Variants in ZNF487 observed in about 807,000 individuals in gnomAD.
ZNF487 encodes zinc finger protein 487.
Under a neutral mutation model 3.0 loss-of-function variants are expected in ZNF487, and 4 were observed. The ratio of observed to expected loss-of-function variants is 1.35; its 90% CI spans 0.66 to 3.08. ZNF487 has a LOEUF of 3.08. Among genes scored for constraint, ZNF487 ranks in the 30% most tolerant of loss-of-function variants. The pLI, the probability that ZNF487 is intolerant of heterozygous loss-of-function variation, is 0.01. For missense variants in ZNF487, 146 were observed against 98.7 expected (o/e 1.48, Z -2.03); for synonymous variants, 55 against 34.6 (o/e 1.59, Z -2.06).
the ZNF487 span, among the ~76,000 whole-genome samples, chr10:43,494,936 C>A: frequency 1.4e-3 from 190 of 132,336 alleles, no homozygotes; most frequent in African/African-American, 1.5e-3. Flanking sequence ...GACTCCATCT[C>A]AAAAAAAAAA....
rs1472743638 is a variant in ZNF487, at chr10:43,482,771, C to A, written c.*849C>A. 21 of 478,988 alleles carry A rather than the reference C, an allele frequency of 4.4e-5. No individual in the cohort carries two copies. The highest frequency in any genetic ancestry group is 3.2e-4 in the South Asian group (20 of 62,886). 29.7% of individuals were successfully genotyped at this position (478,988 alleles called of 1,614,324 possible). ...TTGAATGCAATGAATGTCAAAAATCCTTCTCTGTGAAGTCAAAACTTAGAG... is the reference window on the plus strand; with the variant it reads ...TTGAATGCAATGAATGTCAAAAATCATTCTCTGTGAAGTCAAAACTTAGAG... On this transcript the variant is annotated 3_prime_UTR_variant, in exon 4 of 4. Coordinates refer to ENST00000437590, the MANE Select transcript of ZNF487 (RefSeq NM_001355444.3).
At chr10:43,470,182 A>C (rs944857674) in intron 1 of ZNF487, among the ~76,000 whole-genome samples, 2 of 152,008 alleles carry the variant, frequency 1.3e-5, no homozygotes, top group Non-Finnish European at 2.9e-5. Flanking sequence ...CTTGGCTTAC[A>C]GGACACCACA....
intron 1 of ZNF487, chr10:43,454,002 T>C (rs1667613933): frequency 6.6e-6 from 1 of 152,212 alleles, no homozygotes; most frequent in Admixed American, 6.5e-5. Flanking sequence ...ATAATGCAAT[T>C]CTTTTAATAT....
intron 1 of ZNF487, among the ~76,000 whole-genome samples, chr10:43,455,827 G>C (rs963533956): frequency 1.3e-5 from 2 of 152,258 alleles, no homozygotes; most frequent in Non-Finnish European, 2.9e-5. Context: ...GGCGTTTGCT[G>C]CTCTTGTGCG....
the ZNF487 span, among the ~76,000 whole-genome samples, chr10:43,493,709 A>AAT: frequency 5.9e-4 from 26 of 43,698 alleles, no homozygotes; most frequent in African/African-American, 1.6e-3. Context: ...AAAAAAAAAA[A>AAT]ATATATATAT....
downstream of ZNF487, among the ~76,000 whole-genome samples, chr10:43,487,929 CAAAA>C (rs76705594): frequency 9.9e-5 from 4 of 40,446 alleles, no homozygotes; most frequent in Admixed American, 4.1e-4. Flanking sequence ...TACCAAAATA[CAAAA>C]AAAAAAAAAA....
chr10:43,482,121 A>G lies in ZNF487; in HGVS notation c.*199A>G, dbSNP rs1382697162. ...CGAGTGAGAATAGTTTTGGCAAGAAATCACTCCTCATTCTACAAAGTTACA... is the reference window on the plus strand; with the variant it reads ...CGAGTGAGAATAGTTTTGGCAAGAAGTCACTCCTCATTCTACAAAGTTACA... On this transcript the variant is annotated 3_prime_UTR_variant, in exon 4 of 4. Transcript: ENST00000437590. 1 of 566,986 alleles carries G rather than the reference A, an allele frequency of 1.8e-6. No homozygotes were observed. The highest frequency in any genetic ancestry group is 3.3e-5 in the Admixed American group (1 of 30,492). The allele number at this position is 566,986 out of a possible 1,614,324, so 35.1% of individuals were successfully genotyped here. A position where few individuals can be genotyped will look rare whatever the true frequency, so the allele number is the denominator to read the frequency against.
the ZNF487 span, among the ~76,000 whole-genome samples, chr10:43,496,642 T>A: frequency 6.6e-6 from 1 of 152,204 alleles, no homozygotes; most frequent in Non-Finnish European, 1.5e-5. Flanking sequence ...CATTTATTTA[T>A]TTATTTTTTG....
intron 3 of ZNF487, among the ~76,000 whole-genome samples, chr10:43,480,484 C>T (rs540447464): frequency 7.3e-5 from 11 of 151,522 alleles, no homozygotes; most frequent in African/African-American, 2.2e-4. Flanking sequence ...GGCATGATCT[C>T]GGCTCACTGC....
At chr10:43,520,188 AG>A in the ZNF487 span, among the ~76,000 whole-genome samples, 1 of 45,436 alleles carries the variant, frequency 2.2e-5, no homozygotes, top group Non-Finnish European at 5.3e-5. Flanking sequence ...GTTCTTGACT[AG>A]TTTTTTTTTT....
chr10:43,497,103 T>A, the ZNF487 span, among the ~76,000 whole-genome samples: 1 of 152,252 alleles, frequency 6.6e-6, no homozygotes, highest in African/African-American at 2.4e-5. Context: ...TCATTTTAGA[T>A]CTTTTTCTTA....
intron 1 of ZNF487, among the ~76,000 whole-genome samples, chr10:43,438,048 A>G (rs1839449138): frequency 6.6e-6 from 1 of 151,946 alleles, no homozygotes; most frequent in South Asian, 2.1e-4. Flanking sequence ...CTGTGTGTGT[A>G]ATAGCCATTT....
chr10:43,520,034 A>G, the ZNF487 span, among the ~76,000 whole-genome samples: 1 of 152,196 alleles, frequency 6.6e-6, no homozygotes, highest in Non-Finnish European at 1.5e-5. Context: ...TTCTTGTTAC[A>G]TACATTTTAG....
chr10:43,482,115 C>T lies in ZNF487; in HGVS notation c.*193C>T. The T allele has an allele frequency of 1.8e-6, 1 of 564,736 alleles. No homozygotes were observed. 35.0% of individuals were successfully genotyped at this position (564,736 alleles called of 1,614,324 possible). A position where few individuals can be genotyped will look rare whatever the true frequency, so the allele number is the denominator to read the frequency against. On this transcript the variant is annotated 3_prime_UTR_variant, in exon 4 of 4. Coordinates refer to ENST00000437590, the MANE Select transcript of ZNF487 (RefSeq NM_001355444.3). Reference sequence around the variant, plus strand: ...GTAATGCGAGTGAGAATAGTTTTGGCAAGAAATCACTCCTCATTCTACAAA... The same window carrying T: ...GTAATGCGAGTGAGAATAGTTTTGGTAAGAAATCACTCCTCATTCTACAAA...
At chr10:43,479,965 TCTTTC>T in intron 3 of ZNF487, among the ~76,000 whole-genome samples, 1 of 44,074 alleles carries the variant, frequency 2.3e-5, no homozygotes, top group East Asian at 1.1e-3. Context: ...TCTCTTTCTT[TCTTTC>T]TTTTCTTTCT....
chr10:43,474,580 A>G (rs1239792540), intron 1 of ZNF487, among the ~76,000 whole-genome samples: 2 of 151,610 alleles, frequency 1.3e-5, no homozygotes, highest in African/African-American at 4.8e-5. Context: ...AAAAGGAAAA[A>G]TGATTTATTA....
intron 1 of ZNF487, among the ~76,000 whole-genome samples, chr10:43,439,708 A>G (rs1479699206): frequency 6.6e-6 from 1 of 152,032 alleles, no homozygotes; most frequent in East Asian, 1.9e-4. Context: ...CATCTCAAAA[A>G]TAAATAAATA....
At chr10:43,469,484 C>T (rs558288830) in intron 1 of ZNF487, among the ~76,000 whole-genome samples, 123 of 152,068 alleles carry the variant, frequency 8.1e-4, no homozygotes, top group African/African-American at 2.7e-3. Context: ...TGAGCCACCG[C>T]GCCTGGCCAT....
At chr10:43,469,485 G>A (rs1331474990) in intron 1 of ZNF487, among the ~76,000 whole-genome samples, 2 of 151,834 alleles carry the variant, frequency 1.3e-5, no homozygotes, top group Non-Finnish European at 2.9e-5. Context: ...GAGCCACCGC[G>A]CCTGGCCATC....
Sources: gnomAD v4.1 joint callset for allele counts (sites outside exome capture counted in the v4.1 genomes callset) on GRCh38, gnomAD v4.1.1 for gene constraint, MANE v1.5 for transcripts, NCBI Gene and HGNC (gene_info 2026-07-23, HGNC 2026-07-21) for gene names.